The following SNPH variants were observed in gnomAD, a reference collection of about 807,000 sequenced individuals.
SNPH encodes syntaphilin.
Under a neutral mutation model 36.8 loss-of-function variants are expected in SNPH, and 10 were observed. That is an observed-to-expected ratio of 0.27 (90% CI 0.17 to 0.46). SNPH has a LOEUF of 0.46. Among genes scored for constraint, SNPH ranks in the 20% least tolerant of loss-of-function variants. SNPH has a pLI of 1.00. For synonymous variants in SNPH, 281 were observed against 312.2 expected, an observed-to-expected ratio of 0.90 and a Z score of 1.05; for missense variants, 622 against 744.0, an observed-to-expected ratio of 0.84 and a Z score of 1.91.
Position 1,281,216 on chromosome 20 carries a change from G to T in SNPH, c.-492-13735G>T, listed in dbSNP as rs547363517. On this transcript the variant is annotated intron_variant, in intron 2 of 6. Coordinates refer to ENST00000381867, the MANE Select transcript of SNPH (RefSeq NM_001318234.2). ...GTCTACTTCCTAAATTTCTCTTGAA[G>T]CCACCTTTACTTCTGTCACCTCCTC... is the stretch of plus-strand genomic sequence containing the variant. Among the ~76,000 whole-genome samples, 219 of 152,220 alleles carry T rather than the reference G, an allele frequency of 1.4e-3. 1 individual carries two copies. Among genetic ancestry groups the T allele is most frequent in the African/African-American group, 5.2e-3 (214 of 41,526 alleles).
intron 2 of SNPH, among the ~76,000 whole-genome samples, chr20:1,278,777 G>A (rs1276335508): frequency 6.6e-5 from 10 of 152,012 alleles, no homozygotes; most frequent in Admixed American, 3.3e-4. Flanking sequence ...TCCGCCTCCC[G>A]GGTTCAAGCA....
At position 1,306,808 on chromosome 20, in the gene SNPH, AGCT is replaced by A. The variant is rs2088585209; in HGVS notation, c.*755_*757del. 1 of 152,376 alleles carries A rather than the reference AGCT, an allele frequency of 6.6e-6. No homozygotes were observed. Among genetic ancestry groups the A allele is most frequent in the African/African-American group, 2.4e-5 (1 of 41,450 alleles). 9.4% of individuals were successfully genotyped at this position (152,376 alleles called of 1,614,324 possible). ...GTGTCAGTCATTATTCCTGTGAGGT[AGCT>A]AAGCCCGGCAAGCTCAGTGCTGGGG... On this transcript the variant is annotated 3_prime_UTR_variant, in exon 7 of 7. Transcript: ENST00000381867.
In SNPH at chr20:1,293,238, G is replaced by A. The variant is rs183428365; in HGVS notation, c.-492-1713G>A. On this transcript the variant is annotated intron_variant, in intron 2 of 6. Coordinates refer to ENST00000381867, the MANE Select transcript of SNPH (RefSeq NM_001318234.2). ...TCATGCTCCCTGGACCCCCATTGTC[G>A]GGGGGGTTAGGAAGTGTTGAGCATT... is the stretch of plus-strand genomic sequence containing the variant. 7.2e-5 allele frequency among the ~76,000 whole-genome samples: 11 copies of A among 152,196 alleles called. No homozygotes were observed. In the East Asian group the frequency reaches 9.7e-4, roughly 13 times the overall value.
At chr20:1,290,823 A>G (rs1350345620) in intron 2 of SNPH, among the ~76,000 whole-genome samples, 1 of 152,234 alleles carries the variant, frequency 6.6e-6, no homozygotes, top group African/African-American at 2.4e-5. Context: ...AATACATGAG[A>G]GTTCCAACTT....
At chr20:1,297,798 G>A (rs2088458281) in intron 5 of SNPH, among the ~76,000 whole-genome samples, 1 of 152,204 alleles carries the variant, frequency 6.6e-6, no homozygotes, top group Non-Finnish European at 1.5e-5. Flanking sequence ...CCCCACAACA[G>A]TACCACCCCA....
chr20:1,279,931 T>G (rs1312135546), intron 2 of SNPH, among the ~76,000 whole-genome samples: 1 of 152,196 alleles, frequency 6.6e-6, no homozygotes, highest in Non-Finnish European at 1.5e-5. Context: ...GGTGAGAGAC[T>G]GGAGTAGAGC....
intron 5 of SNPH, among the ~76,000 whole-genome samples, chr20:1,299,386 T>C (rs1490507423): frequency 1.3e-5 from 2 of 152,220 alleles, no homozygotes; most frequent in Non-Finnish European, 2.9e-5. Flanking sequence ...AGTCGCGAGA[T>C]ACATGCCCAG....
Position 1,304,618 on chromosome 20 carries a change from C to T in SNPH, c.441-260C>T, listed in dbSNP as rs1394557401. 1.3e-5 allele frequency among the ~76,000 whole-genome samples: 2 copies of T among 151,998 alleles called. No homozygotes were observed. Among genetic ancestry groups the T allele is most frequent in the Non-Finnish European group, 2.9e-5 (2 of 67,986 alleles). ...GGGTGGTGGGGTGGGGGAGGGAATG[C>T]GAGTGGTGTCTCCTCCCAACCTTTC... On this transcript the variant is annotated intron_variant, in intron 6 of 6. Transcript: ENST00000381867. This position sits in a 1 kb window ranked among gnomAD's most constrained non-coding sequence, Gnocchi z 4.3.
rs2122488670 is a variant in SNPH at position 1,309,130 on chromosome 20, C to G, written c.*3076C>G. 1 of 152,664 alleles carries G rather than the reference C, an allele frequency of 6.6e-6. No individual in the cohort carries two copies. Among genetic ancestry groups the G allele is most frequent in the Non-Finnish European group, 1.5e-5 (1 of 68,064 alleles). 9.5% of individuals were successfully genotyped at this position (152,664 alleles called of 1,614,324 possible). On this transcript the variant is annotated 3_prime_UTR_variant, in exon 7 of 7. Coordinates refer to ENST00000381867, the MANE Select transcript of SNPH (RefSeq NM_001318234.2). ...GCCTCTGCCCAGAGAACTCACAACC[C>G]CCTCTCTGACCTGGGGGACAATGCA...
chr20:1,283,618 G>A (rs371361570), intron 2 of SNPH, among the ~76,000 whole-genome samples: 8 of 152,244 alleles, frequency 5.3e-5, no homozygotes, highest in East Asian at 1.9e-4. Flanking sequence ...TATAAATATC[G>A]ACTGAATTGG....
chr20:1,278,072 CTG>C (rs980718077), intron 2 of SNPH, among the ~76,000 whole-genome samples: 2 of 99,190 alleles, frequency 2.0e-5, no homozygotes, highest in South Asian at 3.3e-4. Context: ...GTGTGTGTAT[CTG>C]TGTGTGTCTC....
intron 2 of SNPH, among the ~76,000 whole-genome samples, chr20:1,288,182 C>G (rs547773530): frequency 1.2e-4 from 18 of 152,196 alleles, no homozygotes; most frequent in Non-Finnish European, 2.1e-4. Context: ...GGTGATAAAG[C>G]AAGAATTATT....
chr20:1,267,303 C>T (rs945763174), intron 2 of SNPH, among the ~76,000 whole-genome samples: 1 of 152,178 alleles, frequency 6.6e-6, no homozygotes, highest in Non-Finnish European at 1.5e-5. Context: ...GGATGTGAAG[C>T]CTTCCACTCC....
At chr20:1,297,391 A>T (rs2088452130) in intron 5 of SNPH, 139 bp downstream of exon 5, 3 of 669,314 alleles carry the variant, frequency 4.5e-6, no homozygotes, top group Non-Finnish European at 7.6e-6. Flanking sequence ...CCTTGAGCAG[A>T]TCATTTCTCC....
rs374739061 is a variant in SNPH at position 1,281,194 on chromosome 20, T to C, written c.-492-13757T>C. ...TCTCTTCTGGGGACCCTCAAGAGTCTACTTCCTAAATTTCTCTTGAAGCCA... is the reference window on the plus strand; with the variant it reads ...TCTCTTCTGGGGACCCTCAAGAGTCCACTTCCTAAATTTCTCTTGAAGCCA... On this transcript the variant is annotated intron_variant, in intron 2 of 6. Transcript: ENST00000381867. 1.4e-4 allele frequency among the ~76,000 whole-genome samples: 22 copies of C among 152,312 alleles called. 1 individual carries two copies. In the East Asian group the frequency reaches 1.9e-3, roughly 13 times the overall value.
chr20:1,297,229 C>A lies in SNPH; in HGVS notation c.267C>A (p.Gly89=). The A allele has an allele frequency of 6.2e-7, 1 of 1,613,742 alleles. No individual in the cohort carries two copies. The highest frequency in any genetic ancestry group is 8.5e-7 in the Non-Finnish European group (1 of 1,179,924). ...GCAGCAATTCTGGCTCCTACAAGGG[C>A]AGTGACAGCAGTCCCACGCCAAGGT... ...SSSSNSGSYK[G]SDSSPTPRRS... is the part of the protein sequence containing the mutation. Residue 89 remains glycine, a synonymous_variant, in exon 5 of 7, where the codon GGC becomes GGA. Coordinates refer to ENST00000381867, the MANE Select transcript of SNPH (RefSeq NM_001318234.2).
At chr20:1,267,738 C>T (rs1256433753) in intron 2 of SNPH, among the ~76,000 whole-genome samples, 2 of 152,172 alleles carry the variant, frequency 1.3e-5, no homozygotes, top group East Asian at 3.8e-4. Flanking sequence ...TTGGGGTTTC[C>T]TCAGTTGATC....
At position 1,285,671 on chromosome 20, in the gene SNPH, G is replaced by A. The variant is rs766998412; in HGVS notation, c.-492-9280G>A. Reference sequence around the variant, plus strand: ...CACTGTCATAAAGATGGTGGGTGGTGGAGTTTGGAATTCAGAGTTCCAAAT... The same window carrying A: ...CACTGTCATAAAGATGGTGGGTGGTAGAGTTTGGAATTCAGAGTTCCAAAT... On this transcript the variant is annotated intron_variant, in intron 2 of 6. Transcript: ENST00000381867. The surrounding 1 kb of genome is among the most constrained non-coding windows in gnomAD (Gnocchi z 4.9). Among the ~76,000 whole-genome samples the A allele has an allele frequency of 6.6e-6, 1 of 152,154 alleles. No individual in the cohort carries two copies. Among genetic ancestry groups the A allele is most frequent in the Non-Finnish European group, 1.5e-5 (1 of 68,032 alleles).
In SNPH at chr20:1,304,704, C is replaced by G. The variant is rs1405919254; in HGVS notation, c.441-174C>G. 2.6e-5 allele frequency among the ~76,000 whole-genome samples: 4 copies of G among 152,112 alleles called. No individual in the cohort carries two copies. The highest frequency in any genetic ancestry group is 9.7e-5 in the African/African-American group (4 of 41,404). On this transcript the variant is annotated intron_variant, in intron 6 of 6. Coordinates refer to ENST00000381867, the MANE Select transcript of SNPH (RefSeq NM_001318234.2). The surrounding 1 kb of genome is among the most constrained non-coding windows in gnomAD (Gnocchi z 4.3). ...CCCTCAGCCCCTCTCCCCAGCCACTCTCACTCCCCACTATAATAAGAAGGC... is the reference window on the plus strand; with the variant it reads ...CCCTCAGCCCCTCTCCCCAGCCACTGTCACTCCCCACTATAATAAGAAGGC...
Sources: allele counts gnomAD v4.1 joint callset (sites outside exome capture counted in the v4.1 genomes callset), GRCh38; gene constraint gnomAD v4.1.1; non-coding constraint Gnocchi (gnomAD v3.1); transcripts MANE v1.5; gene names NCBI Gene and HGNC (gene_info 2026-07-23, HGNC 2026-07-21).